The following CCDC102B variants were observed in gnomAD, a reference collection of about 807,000 sequenced individuals.
CCDC102B encodes coiled-coil domain-containing protein 102B.
A neutral mutation model predicts 57.4 loss-of-function variants in CCDC102B; 75 were observed. The observed-to-expected ratio is 1.31, with a 90% CI of 1.08 to 1.58. The LOEUF (loss-of-function observed/expected upper bound fraction) is 1.58, where lower values mean the gene tolerates loss of function less well. CCDC102B is among the 40% of genes most tolerant of loss of function. The probability of loss-of-function intolerance (pLI) is 0.00; values close to 1 mark genes in which losing one functional copy is unlikely to be tolerated. For synonymous variants in CCDC102B, 206 were observed against 201.9 expected (o/e 1.02, Z -0.17); for missense variants, 636 against 582.6 (o/e 1.09, Z -0.94).
chr18:68,980,793 G>GGAGA (rs552985560), intron 6 of CCDC102B, among the ~76,000 whole-genome samples: 6 of 152,146 alleles, frequency 3.9e-5, no homozygotes, highest in African/African-American at 1.4e-4. Context: ...GACAGGCATG[G>GGAGA]GAGAGGAGGT....
At chr18:68,851,724 A>G (rs1031329104) in intron 4 of CCDC102B, among the ~76,000 whole-genome samples, 2 of 152,148 alleles carry the variant, frequency 1.3e-5, no homozygotes, top group South Asian at 2.1e-4. Context: ...TCAAAAGAAA[A>G]CAGCTCATAT....
intron 1 of CCDC102B, among the ~76,000 whole-genome samples, chr18:68,805,826 T>C: frequency 6.6e-6 from 1 of 152,160 alleles, no homozygotes; most frequent in South Asian, 2.1e-4. Flanking sequence ...TTCTTGTCCC[T>C]GAAAACATAT....
At chr18:68,918,781 A>G (rs142171840) in intron 6 of CCDC102B, among the ~76,000 whole-genome samples, 9 of 152,308 alleles carry the variant, frequency 5.9e-5, no homozygotes, top group African/African-American at 2.2e-4. Context: ...CATTGGATTC[A>G]TAGCAGTTCT....
chr18:68,785,905 T>C (rs1398781363), intron 2 of CCDC102B, among the ~76,000 whole-genome samples: 2 of 151,064 alleles, frequency 1.3e-5, no homozygotes, highest in East Asian at 1.9e-4. Context: ...TCCTTGCCCA[T>C]GCCTATGTCC....
intron 5 of CCDC102B, among the ~76,000 whole-genome samples, chr18:68,875,196 A>G (rs1363292450): frequency 6.6e-6 from 1 of 152,138 alleles, no homozygotes; most frequent in Non-Finnish European, 1.5e-5. Flanking sequence ...GATAAAATAA[A>G]TTCACTTTTG....
intron 6 of CCDC102B, among the ~76,000 whole-genome samples, chr18:68,985,939 T>C (rs914417175): frequency 1.3e-5 from 2 of 152,136 alleles, no homozygotes; most frequent in African/African-American, 4.8e-5. Flanking sequence ...CACTAGTGTG[T>C]TGGAGCATGG....
Position 68,857,271 on chromosome 18 carries a change from A to ATT in CCDC102B, c.936+10851_936+10852insTT, listed in dbSNP as rs1297979277. Among the ~76,000 whole-genome samples the ATT allele has an allele frequency of 1.3e-3, 58 of 44,050 alleles. 2 individuals carry two copies. The highest frequency in any genetic ancestry group is 3.1e-3 in the Admixed American group (6 of 1,944). The allele number at this position is 44,050 out of a possible 152,430, so 28.9% of individuals were successfully genotyped here. A position where few individuals can be genotyped will look rare whatever the true frequency, so the allele number is the denominator to read the frequency against. ...ATTTATTATTTAAATATATAAATATATATATAATATATATTTATATATTAT... is the reference window on the plus strand; with the variant it reads ...ATTTATTATTTAAATATATAAATATATTTATATAATATATATTTATATATTAT... On this transcript the variant is annotated intron_variant, in intron 4 of 7. Transcript: ENST00000360242.
intron 2 of CCDC102B, among the ~76,000 whole-genome samples, chr18:68,735,158 T>C (rs2033068805): frequency 1.3e-5 from 2 of 152,100 alleles, no homozygotes; most frequent in Admixed American, 1.3e-4. Context: ...TTCAAGTGAT[T>C]CTCCTGCCTC....
chr18:68,736,490 C>A (rs543369353), intron 2 of CCDC102B, among the ~76,000 whole-genome samples: 1 of 152,168 alleles, frequency 6.6e-6, no homozygotes, highest in Non-Finnish European at 1.5e-5. Context: ...TGTTGCCTTG[C>A]ACCGCGCACA....
intron 2 of CCDC102B, among the ~76,000 whole-genome samples, chr18:68,728,594 T>A (rs2032709741): frequency 2.0e-5 from 3 of 152,188 alleles, no homozygotes; most frequent in African/African-American, 7.2e-5. Context: ...AATGCTGTAG[T>A]CTATTGCTGC....
At chr18:68,993,915 T>A (rs2145333772) in intron 6 of CCDC102B, among the ~76,000 whole-genome samples, 1 of 152,296 alleles carries the variant, frequency 6.6e-6, no homozygotes, top group African/African-American at 2.4e-5. Flanking sequence ...TACACTGTGG[T>A]TGGTATCTGC....
intron 2 of CCDC102B, among the ~76,000 whole-genome samples, chr18:68,773,557 T>G (rs1214255532): frequency 6.6e-6 from 1 of 152,028 alleles, no homozygotes. Flanking sequence ...TGTAAATTAG[T>G]ACTTAAATAT....
intron 4 of CCDC102B, among the ~76,000 whole-genome samples, chr18:68,864,208 C>G (rs2038879047): frequency 6.6e-6 from 1 of 151,962 alleles, no homozygotes; most frequent in African/African-American, 2.4e-5. Context: ...CATCTTTCCC[C>G]AAGGAATCAT....
At chr18:68,791,924 A>T (rs185828229) in intron 2 of CCDC102B, among the ~76,000 whole-genome samples, 73 of 152,144 alleles carry the variant, frequency 4.8e-4, no homozygotes, top group Non-Finnish European at 9.9e-4. Context: ...CTCTCAGGGG[A>T]TATTTGGCAA....
At chr18:69,029,746 T>C (rs564389880) in intron 7 of CCDC102B, among the ~76,000 whole-genome samples, 1 of 152,296 alleles carries the variant, frequency 6.6e-6, no homozygotes, top group South Asian at 2.1e-4. Context: ...GGTAAAATTG[T>C]TTAAAGTTGG....
At chr18:68,949,939 C>T (rs748811640) in intron 6 of CCDC102B, among the ~76,000 whole-genome samples, 1 of 152,078 alleles carries the variant, frequency 6.6e-6, no homozygotes, top group Non-Finnish European at 1.5e-5. Flanking sequence ...GTATAGGAAA[C>T]ATTTCTAGTT....
At chr18:68,745,488 A>G (rs77332956) in intron 2 of CCDC102B, among the ~76,000 whole-genome samples, 14,414 of 152,122 alleles carry the variant, frequency 0.095, 890 homozygotes, top group Middle Eastern at 0.17. Flanking sequence ...AATTGTACAT[A>G]TTTATGAGAT....
At chr18:68,885,821 A>C (rs1486738392) in intron 5 of CCDC102B, among the ~76,000 whole-genome samples, 1 of 152,044 alleles carries the variant, frequency 6.6e-6, no homozygotes, top group Non-Finnish European at 1.5e-5. Flanking sequence ...TTATGATGAA[A>C]GTTGATGCCA....
intron 5 of CCDC102B, among the ~76,000 whole-genome samples, chr18:68,877,534 C>G (rs1190925972): frequency 6.6e-6 from 1 of 152,218 alleles, no homozygotes; most frequent in Non-Finnish European, 1.5e-5. Context: ...CAAGTCTACA[C>G]TAACATGCTA....
Sources: gnomAD v4.1 joint callset for allele counts (sites outside exome capture counted in the v4.1 genomes callset) on GRCh38, gnomAD v4.1.1 for gene constraint, MANE v1.5 for transcripts, NCBI Gene and HGNC (gene_info 2026-07-23, HGNC 2026-07-21) for gene names.